ZNF670: variants seen among roughly 807,000 people sequenced by gnomAD.
ZNF670 encodes the protein zinc finger protein 670.
ZNF670 carries 7 observed loss-of-function variants against 10.9 expected under a neutral mutation model. The observed-to-expected ratio is 0.64, with a 90% CI of 0.36 to 1.20. ZNF670 has a LOEUF of 1.20. Ranked by LOEUF, ZNF670 falls within the 50% of genes most tolerant of loss-of-function variation. ZNF670 has a pLI of 0.02. For synonymous variants in ZNF670, 136 were observed against 152.7 expected (o/e 0.89, Z 0.81); for missense variants, 446 against 458.6 (o/e 0.97, Z 0.25).
intron 1 of ZNF670, among the ~76,000 whole-genome samples, chr1:247,074,659 T>C (rs528302875): frequency 2.0e-5 from 3 of 152,248 alleles, no homozygotes; most frequent in Admixed American, 2.0e-4. Flanking sequence ...CCTCAGATCA[T>C]CAGGCATTAG....
rs1264353345 is a variant in ZNF670 at position 247,068,045 on chromosome 1, G to A, written c.3+10549C>T. 4.7e-5 allele frequency among the ~76,000 whole-genome samples: 7 copies of A among 150,424 alleles called. No individual in the cohort carries two copies. In the South Asian group the frequency reaches 8.3e-4, roughly 18 times the overall value. On this transcript the variant is annotated intron_variant, in intron 1 of 3. Transcript: ENST00000366503. ...GATCAAAAGATGGGCAAGGCTGGGC[G>A]CAGCGGCTCACGCCTGTAATCCCAG...
At chr1:247,072,804 G>GTATGTATATATATATA (rs1553323550) in intron 1 of ZNF670, among the ~76,000 whole-genome samples, 7 of 47,642 alleles carry the variant, frequency 1.5e-4, no homozygotes, top group Non-Finnish European at 1.8e-4. Flanking sequence ...AAAAGTGTGT[G>GTATGTATATATATATA]TATATATATA....
chr1:247,072,736 G>A (rs147807390), intron 1 of ZNF670, among the ~76,000 whole-genome samples: 3,193 of 146,710 alleles, frequency 0.022, 133 homozygotes, highest in African/African-American at 0.073. Context: ...GTGGTGAGCC[G>A]AGACTGTGCC....
At chr1:247,064,124 G>A (rs2103067642) in intron 1 of ZNF670, among the ~76,000 whole-genome samples, 1 of 152,302 alleles carries the variant, frequency 6.6e-6, no homozygotes, top group East Asian at 1.9e-4. Flanking sequence ...AACTTCTAGA[G>A]TGTCCCTGCA....
At chr1:247,047,893 G>A (rs1198070878) in intron 1 of ZNF670, among the ~76,000 whole-genome samples, 2 of 151,978 alleles carry the variant, frequency 1.3e-5, no homozygotes, top group African/African-American at 4.8e-5. Context: ...CCCGGATCAT[G>A]AAACCATTTT....
At chr1:247,065,420 C>T (rs77902323) in intron 1 of ZNF670, among the ~76,000 whole-genome samples, 3,650 of 152,206 alleles carry the variant, frequency 0.024, 59 homozygotes, top group Non-Finnish European at 0.028. Flanking sequence ...GCATAACATG[C>T]CCTTCTGTCT....
rs1372426965 is a variant in ZNF670, at chr1:247,035,653, T to G, written c.*1796A>C. ...AAACTGTACTATACCACATATTATA[T>G]AGCTACTTATACACATATAAGTATA... On this transcript the variant is annotated 3_prime_UTR_variant, in exon 4 of 4. Transcript: ENST00000366503. Among the ~76,000 whole-genome samples the G allele has an allele frequency of 1.3e-5, 2 of 152,204 alleles. No individual in the cohort carries two copies. The highest frequency in any genetic ancestry group is 2.9e-5 in the Non-Finnish European group (2 of 68,028).
chr1:247,058,327 G>GA (rs1670768353), intron 1 of ZNF670, among the ~76,000 whole-genome samples: 1 of 152,142 alleles, frequency 6.6e-6, no homozygotes, highest in Admixed American at 6.5e-5. Flanking sequence ...TACTTCAAAG[G>GA]AAATTAAATA....
chr1:247,047,567 G>C (rs903629833), intron 1 of ZNF670, among the ~76,000 whole-genome samples: 1 of 150,208 alleles, frequency 6.7e-6, no homozygotes, highest in African/African-American at 2.5e-5. Flanking sequence ...ACTTGGCTTT[G>C]TGTGGGGATT....
chr1:247,043,191 A>G, intron 1 of ZNF670: 2 of 735,430 alleles, frequency 2.7e-6, no homozygotes, highest in Admixed American at 3.6e-5. Flanking sequence ...CTGGACCCTC[A>G]TGACAAGGGC....
At chr1:247,069,088 A>G (rs77007148) in intron 1 of ZNF670, among the ~76,000 whole-genome samples, 2 of 149,606 alleles carry the variant, frequency 1.3e-5, no homozygotes, top group East Asian at 1.9e-4. Context: ...CAAAAAAAAA[A>G]TACTTAGAAA....
rs774202778 is a variant in ZNF670 at position 247,038,113 on chromosome 1, T to C, written c.506A>G (p.Tyr169Cys). The C allele has an allele frequency of 2.5e-6, 4 of 1,614,184 alleles. No individual in the cohort carries two copies. The highest frequency in any genetic ancestry group is 3.4e-6 in the Non-Finnish European group (4 of 1,180,010). ...AGGCTTCTCATACACTGGACCCTTA[T>C]AAGGCCCATTACTAGTGTGTGTTAC... is the stretch of plus-strand genomic sequence containing the variant. ...HMVTHTSNGP[Y>C]KGPVYEKPFD... The change falls in exon 4 of 4, where the codon TAT becomes TGT. Residue 169 changes from tyrosine to cysteine, a missense_variant. Physicochemically the swap from Tyr to Cys is radical, Grantham distance 194. Coordinates refer to ENST00000366503, the MANE Select transcript of ZNF670 (RefSeq NM_033213.5).
At position 247,039,512 on chromosome 1, in the gene ZNF670, G is replaced by T; in HGVS notation, c.29C>A (p.Ala10Asp). The T allele has an allele frequency of 6.3e-7, 1 of 1,598,974 alleles. No individual in the cohort carries two copies. The highest frequency in any genetic ancestry group is 8.5e-7 in the Non-Finnish European group (1 of 1,174,260). ...CCACTCCTCCTGAGTAAAGGCCACA[G>T]CCACATCTTCAAATGACACTGAATC... is the stretch of plus-strand genomic sequence containing the variant. MDSVSFEDV[A>D]VAFTQEEWAL... The change falls in exon 2 of 4, where the codon GCT (alanine) becomes GAT (aspartate). Residue 10 changes from alanine (A) to aspartate (D), a missense_variant. Physicochemically the swap from Ala to Asp is moderately radical, Grantham distance 126. Transcript: ENST00000366503.
chr1:247,038,580 C>T (rs1670225588), intron 3 of ZNF670, among the ~76,000 whole-genome samples, 153 bp from the exon 4 acceptor site: 1 of 151,920 alleles, frequency 6.6e-6, no homozygotes, highest in South Asian at 2.1e-4. Context: ...TAGCTATTAT[C>T]ATTATTATCA....
At chr1:247,063,522 G>A (rs1211822678) in intron 1 of ZNF670, among the ~76,000 whole-genome samples, 1 of 147,422 alleles carries the variant, frequency 6.8e-6, no homozygotes, top group Non-Finnish European at 1.5e-5. Flanking sequence ...GGCGGAGCTT[G>A]CAGTGAGCCG....
At chr1:247,076,949 C>T (rs777519749) in intron 1 of ZNF670, among the ~76,000 whole-genome samples, 1 of 152,258 alleles carries the variant, frequency 6.6e-6, no homozygotes, top group Non-Finnish European at 1.5e-5. Context: ...GCGTGGGCCA[C>T]CACGCCCAGC....
At chr1:247,043,705 G>T (rs1670372845) in intron 1 of ZNF670, 1 of 467,270 alleles carries the variant, frequency 2.1e-6, no homozygotes, top group Non-Finnish European at 4.2e-6. Context: ...TGTCAACAAA[G>T]AAATCAATCA....
intron 1 of ZNF670, among the ~76,000 whole-genome samples, chr1:247,072,804 G>GTATATATATATATATATATATATA (rs74163726): frequency 2.1e-4 from 10 of 47,648 alleles, no homozygotes; most frequent in East Asian, 3.0e-3. Flanking sequence ...AAAAGTGTGT[G>GTATATATATATATATATATATATA]TATATATATA....
rs1285210855 is a variant in ZNF670, at chr1:247,037,880, G to T, written c.739C>A (p.His247Asn). 6.2e-7 allele frequency: 1 copy of T among 1,613,984 alleles called. No individual in the cohort carries two copies. Among genetic ancestry groups the T allele is most frequent in the South Asian group, 1.1e-5 (1 of 91,010 alleles). ...CATTCATAGGGTTTCTCTCCAGTAT[G>T]AGATCTTTCATGTTGGCGAAGAGAA... ...SSSLRQHERSHTGEKPYECKE... is the reference protein window; with the variant it reads ...SSSLRQHERSNTGEKPYECKE... The change falls in exon 4 of 4, where the codon CAT becomes AAT. Residue 247 changes from histidine to asparagine, a missense_variant. By Grantham distance (68) the His-to-Asn change is moderately conservative. Coordinates refer to ENST00000366503, the MANE Select transcript of ZNF670 (RefSeq NM_033213.5).
Sources: gnomAD v4.1 joint callset for allele counts (sites outside exome capture counted in the v4.1 genomes callset) on GRCh38, gnomAD v4.1.1 for gene constraint, MANE v1.5 for transcripts, NCBI Gene and HGNC (gene_info 2026-07-23, HGNC 2026-07-21) for gene names.